SUV39H2: variants seen among roughly 807,000 people sequenced by gnomAD.
The protein encoded by SUV39H2 is histone-lysine N-methyltransferase SUV39H2.
In SUV39H2, 10 loss-of-function variants were observed where a neutral mutation model predicts 47.5. That is an observed-to-expected ratio of 0.21 (90% CI 0.13 to 0.36). The LOEUF (loss-of-function observed/expected upper bound fraction) is 0.36. SUV39H2 is among the 10% of genes least tolerant of loss of function. SUV39H2 has a pLI of 1.00. For synonymous variants in SUV39H2, 159 were observed against 166.8 expected (o/e 0.95, Z 0.36); for missense variants, 266 against 487.4 (o/e 0.55, Z 4.28).
intron 2 of SUV39H2, among the ~76,000 whole-genome samples, chr10:14,893,295 G>A (rs189349016): frequency 4.6e-5 from 7 of 152,164 alleles, no homozygotes; most frequent in African/African-American, 1.2e-4. Flanking sequence ...GAGCCACCGC[G>A]CCCGGCCTTT....
intron 2 of SUV39H2, 95 bp from the exon 3 acceptor site, chr10:14,896,751 T>A (rs1015196803): frequency 2.8e-5 from 28 of 1,015,860 alleles, no homozygotes; most frequent in Non-Finnish European, 3.6e-5. Flanking sequence ...AGAAAAATGG[T>A]ATTGGATACC....
Position 14,896,899 on chromosome 10 carries a change from T to G in SUV39H2, c.231T>G (p.Thr77=). 2 of 1,611,962 alleles carry G rather than the reference T, an allele frequency of 1.2e-6. No homozygotes were observed. Among genetic ancestry groups the G allele is most frequent in the Non-Finnish European group, 1.7e-6 (2 of 1,178,604 alleles). ...AAGGATGGCCAGATTCTACAAATAC[T>G]TGGGAACCTTTGCAAAATCTGAAGT... ...KWKGWPDSTN[T]WEPLQNLKCP... The change falls in exon 3 of 6, where the codon ACT becomes ACG. Residue 77 remains threonine (T), a synonymous_variant. Coordinates refer to ENST00000354919, the MANE Select transcript of SUV39H2 (RefSeq NM_001193424.2).
downstream of SUV39H2, chr10:14,904,315 A>ATTTTTT (rs35999949): frequency 1.7e-4 from 13 of 77,758 alleles, no homozygotes; most frequent in Non-Finnish European, 2.5e-4. Flanking sequence ...AAAAAAAAAA[A>ATTTTTT]TTTTTTTTTT....
intron 3 of SUV39H2, chr10:14,897,753 T>A (rs1833687619): frequency 3.4e-6 from 1 of 294,010 alleles, no homozygotes; most frequent in Non-Finnish European, 6.2e-6. Context: ...TTTCAACAAA[T>A]ACACATTCCT....
At chr10:14,879,118 C>T (rs2131663433) in intron 1 of SUV39H2, 199 bp downstream of exon 1, 2 of 1,267,274 alleles carry the variant, frequency 1.6e-6, no homozygotes, top group South Asian at 2.7e-5. Flanking sequence ...GGCCGGCTCC[C>T]GCCGCGGAGG....
chr10:14,884,071 T>A (rs762211822), intron 2 of SUV39H2, among the ~76,000 whole-genome samples: 1 of 152,256 alleles, frequency 6.6e-6, no homozygotes, highest in Non-Finnish European at 1.5e-5. Context: ...TTTAACTTAT[T>A]CATCACTTCG....
intron 2 of SUV39H2, among the ~76,000 whole-genome samples, chr10:14,896,457 A>T (rs1489588262): frequency 1.3e-5 from 2 of 152,198 alleles, no homozygotes; most frequent in African/African-American, 4.8e-5. Context: ...ATTGCTGGCC[A>T]AGTAAGCCAC....
intron 5 of SUV39H2, 128 bp from the exon 6 acceptor site, chr10:14,902,278 C>T (rs1834077584): frequency 2.0e-6 from 1 of 496,366 alleles, no homozygotes; most frequent in Non-Finnish European, 3.6e-6. Flanking sequence ...AGTTAACTTA[C>T]TCTAAGGGTC....
At chr10:14,882,155 G>C (rs575454612) in intron 2 of SUV39H2, among the ~76,000 whole-genome samples, 26 of 152,272 alleles carry the variant, frequency 1.7e-4, no homozygotes, top group African/African-American at 5.1e-4. Context: ...AAGCAAACTC[G>C]TTTCACTTCT....
In SUV39H2 at chr10:14,902,555, C is replaced by A; in HGVS notation, c.*43C>A. The A allele has an allele frequency of 7.9e-7, 1 of 1,261,960 alleles. No individual in the cohort carries two copies. The highest frequency in any genetic ancestry group is 1.1e-6 in the Non-Finnish European group (1 of 918,378). The allele number at this position is 1,261,960 out of a possible 1,614,324, so 78.2% of individuals were successfully genotyped here. On this transcript the variant is annotated 3_prime_UTR_variant, in exon 6 of 6. Transcript: ENST00000354919. ...AGCTGATGATTATAATATTTTTTTC[C>A]TAATGTTAACATTTTTAAAAATACA...
rs1038111569 is a variant in SUV39H2, at chr10:14,882,897, C to T, written c.177+1252C>T. Among the ~76,000 whole-genome samples, 5 of 150,430 alleles carry T rather than the reference C, an allele frequency of 3.3e-5. No homozygotes were observed. The East Asian group carries it at 5.9e-4, about 18-fold the overall frequency. On this transcript the variant is annotated intron_variant, in intron 2 of 5. Transcript: ENST00000354919. ...TTTTTTTTTTAAAGGCCCAGAGTCTCGCTCTTGTCGCCCAGGCTGGAGTGC... is the reference window on the plus strand; with the variant it reads ...TTTTTTTTTTAAAGGCCCAGAGTCTTGCTCTTGTCGCCCAGGCTGGAGTGC...
At chr10:14,901,666 A>G (rs373461305) in intron 5 of SUV39H2, among the ~76,000 whole-genome samples, 12 of 151,766 alleles carry the variant, frequency 7.9e-5, no homozygotes, top group Admixed American at 1.3e-4. Context: ...CTCTGTCTCT[A>G]CAAAATATGA....
chr10:14,901,300 CA>C (rs1224482646), intron 5 of SUV39H2, 38 bp downstream of exon 5: 11 of 1,610,974 alleles, frequency 6.8e-6, no homozygotes, highest in Non-Finnish European at 8.5e-6. Flanking sequence ...GTGTCAGTTT[CA>C]ATATGAAGAA....
chr10:14,888,634 CAA>C (rs368463041), intron 2 of SUV39H2, among the ~76,000 whole-genome samples: 2 of 129,732 alleles, frequency 1.5e-5, no homozygotes. Context: ...GACTCGGTCT[CAA>C]AAAAAAAAAG....
chr10:14,879,124 G>A, intron 1 of SUV39H2: 1 of 1,268,070 alleles, frequency 7.9e-7, no homozygotes, highest in Non-Finnish European at 9.9e-7. Context: ...CTCCCGCCGC[G>A]GAGGTGGGCA....
intron 3 of SUV39H2, 177 bp downstream of exon 3, chr10:14,897,694 CT>C: frequency 2.1e-6 from 1 of 468,478 alleles, no homozygotes; most frequent in Non-Finnish European, 3.4e-6. Context: ...AAATAAAAAA[CT>C]TTTATATGAA....
chr10:14,894,533 A>C, intron 2 of SUV39H2, among the ~76,000 whole-genome samples: 1 of 111,436 alleles, frequency 9.0e-6, no homozygotes, highest in Non-Finnish European at 1.7e-5. Context: ...ACGCCCGGCT[A>C]ATTTTTTGTA....
At chr10:14,879,318 A>T (rs949011778) in intron 1 of SUV39H2, among the ~76,000 whole-genome samples, 15 of 152,190 alleles carry the variant, frequency 9.9e-5, no homozygotes, top group Admixed American at 8.5e-4. Context: ...GGCGTGCGGC[A>T]TGCGCCCGGG....
In SUV39H2 at chr10:14,897,050, G is replaced by C; in HGVS notation, c.382G>C (p.Val128Leu). 6.2e-7 allele frequency: 1 copy of C among 1,614,084 alleles called. No individual in the cohort carries two copies. Among genetic ancestry groups the C allele is most frequent in the Non-Finnish European group, 8.5e-7 (1 of 1,180,026 alleles). ...GAAACCTGCCATTGCTGAGTACATTGTGAAGAAGGCTAAACAAAGGATAGC... is the reference window on the plus strand; with the variant it reads ...GAAACCTGCCATTGCTGAGTACATTCTGAAGAAGGCTAAACAAAGGATAGC... ...TLKPAIAEYI[V>L]KKAKQRIALQ... The change falls in exon 3 of 6, where the codon GTG (valine) becomes CTG (leucine). Residue 128 changes from valine (V) to leucine (L), a missense_variant. This residue lies in a region of SUV39H2 where 91 missense variants were observed against 110.9 expected (regional missense o/e 0.82). Coordinates refer to ENST00000354919, the MANE Select transcript of SUV39H2 (RefSeq NM_001193424.2).
Sources: allele counts gnomAD v4.1 joint callset (sites outside exome capture counted in the v4.1 genomes callset), GRCh38; gene constraint gnomAD v4.1.1; regional missense constraint gnomAD v4.1.1; transcripts MANE v1.5; gene names NCBI Gene and HGNC (gene_info 2026-07-23, HGNC 2026-07-21).